Variants in OLFM3 observed in about 807,000 individuals in gnomAD.
OLFM3 encodes the protein olfactomedin 3.
In OLFM3, 20 loss-of-function variants were observed where a neutral mutation model predicts 48.6. The ratio of observed to expected loss-of-function variants is 0.41; its 90% confidence interval spans 0.29 to 0.60. The LOEUF (loss-of-function observed/expected upper bound fraction) is 0.60. Among genes scored for constraint, OLFM3 ranks in the 20% least tolerant of loss-of-function variants. The pLI, the probability that OLFM3 is intolerant of heterozygous loss-of-function variation, is 0.28. For missense variants in OLFM3, 437 were observed against 544.3 expected (o/e 0.80, Z 1.96); for synonymous variants, 222 against 198.1 (o/e 1.12, Z -1.01).
chr1:101,906,578 A>G (rs1002797362), intron 1 of OLFM3, among the ~76,000 whole-genome samples: 13 of 152,178 alleles, frequency 8.5e-5, no homozygotes, highest in African/African-American at 3.1e-4. Context: ...AATTATAAGT[A>G]AGTTCTGTCA....
chr1:101,836,924 A>G lies in OLFM3; in HGVS notation c.171T>C (p.Cys57=). Residue 57 remains cysteine, a synonymous_variant, in exon 2 of 6, where the codon TGT becomes TGC. Transcript: ENST00000370103. ...GTTGCCTGCTTTTGGCATCCCGGGA[A>G]CACAGGTTTTGTTCTGGAGCAACAA... is the stretch of plus-strand genomic sequence containing the variant. ...CTVVAPEQNL[C]SRDAKSRQLR... The G allele has an allele frequency of 6.2e-7, 1 of 1,614,124 alleles. No individual in the cohort carries two copies.
intron 1 of OLFM3, chr1:101,893,739 T>A (rs1222437154): frequency 6.5e-6 from 1 of 154,110 alleles, no homozygotes; most frequent in East Asian, 1.9e-4. Context: ...CAAGCATGTG[T>A]TAAATGAAGG....
intron 1 of OLFM3, among the ~76,000 whole-genome samples, chr1:101,903,245 C>T (rs1319414447): frequency 6.6e-6 from 1 of 151,964 alleles, no homozygotes; most frequent in African/African-American, 2.4e-5. Flanking sequence ...ATTGAAAGCA[C>T]AGGGCATAAG....
chr1:101,904,833 C>T (rs1348842413), intron 1 of OLFM3, among the ~76,000 whole-genome samples: 1 of 152,098 alleles, frequency 6.6e-6, no homozygotes, highest in Non-Finnish European at 1.5e-5. Flanking sequence ...CTCCTCCCAC[C>T]TGTTTACCTC....
chr1:101,834,028 A>G (rs183885222), intron 2 of OLFM3, among the ~76,000 whole-genome samples: 417 of 152,354 alleles, frequency 2.7e-3, no homozygotes, highest in Non-Finnish European at 4.3e-3. Context: ...ATAATTTTTT[A>G]GGTGAGCAAT....
chr1:101,977,916 T>C (rs1258259238), intron 1 of OLFM3, among the ~76,000 whole-genome samples: 3 of 152,178 alleles, frequency 2.0e-5, no homozygotes, highest in Non-Finnish European at 2.9e-5. Flanking sequence ...AATATGTTTA[T>C]ACTTTGTTTC....
chr1:101,885,991 A>G (rs1657741658), intron 1 of OLFM3, among the ~76,000 whole-genome samples: 2 of 152,130 alleles, frequency 1.3e-5, no homozygotes, highest in African/African-American at 2.4e-5. Context: ...TATTAGTGAC[A>G]AAGGAAGAAG....
chr1:101,995,210 A>C (rs1661525174), intron 1 of OLFM3, among the ~76,000 whole-genome samples: 3 of 152,148 alleles, frequency 2.0e-5, no homozygotes, highest in Non-Finnish European at 2.9e-5. Context: ...CTTAGTGATT[A>C]ACTTTGCTTT....
chr1:101,842,782 TC>T lies in OLFM3; in HGVS notation c.70-5758del, dbSNP rs1655792572. 2.0e-5 allele frequency among the ~76,000 whole-genome samples: 3 copies of T among 152,186 alleles called. No homozygotes were observed. In the South Asian group the frequency reaches 6.2e-4, roughly 32 times the overall value. On this transcript the variant is annotated intron_variant, in intron 1 of 5. Coordinates refer to ENST00000370103, the MANE Select transcript of OLFM3 (RefSeq NM_058170.4). ...AAGCAGGGGGCATGAGCCGAACTCC[TC>T]TCTCTGCAGTTTTCCTTCTTTGGCC...
intron 1 of OLFM3, among the ~76,000 whole-genome samples, chr1:101,924,950 C>A (rs1158450990): frequency 6.6e-6 from 1 of 152,092 alleles, no homozygotes; most frequent in Non-Finnish European, 1.5e-5. Context: ...TGTGGATGTG[C>A]ACAGAGTGTT....
intron 1 of OLFM3, among the ~76,000 whole-genome samples, chr1:101,920,672 T>C (rs1465084381): frequency 2.0e-5 from 3 of 152,194 alleles, no homozygotes; most frequent in Admixed American, 2.0e-4. Flanking sequence ...AAATTAAGGA[T>C]TGACAAGTGA....
intron 1 of OLFM3, among the ~76,000 whole-genome samples, chr1:101,992,033 C>T (rs1026046629): frequency 6.6e-6 from 1 of 152,076 alleles, no homozygotes; most frequent in Admixed American, 6.6e-5. Context: ...TTCAGAACAT[C>T]TAGGCTCCTC....
intron 4 of OLFM3, among the ~76,000 whole-genome samples, chr1:101,807,740 G>A (rs983801495): frequency 6.6e-6 from 1 of 151,768 alleles, no homozygotes; most frequent in Non-Finnish European, 1.5e-5. Context: ...GAAATCAAAT[G>A]TGATGGCATC....
chr1:101,838,408 T>C (rs1655542610), intron 1 of OLFM3, among the ~76,000 whole-genome samples: 1 of 152,192 alleles, frequency 6.6e-6, no homozygotes, highest in Non-Finnish European at 1.5e-5. Context: ...AAGTAGACTC[T>C]ATCAAGCACA....
chr1:101,993,977 C>A (rs555332864), intron 1 of OLFM3, among the ~76,000 whole-genome samples: 56 of 150,896 alleles, frequency 3.7e-4, no homozygotes, highest in African/African-American at 1.3e-3. Flanking sequence ...AGACACACAC[C>A]GCATTATAAA....
At chr1:101,858,423 A>G (rs1039981626) in intron 1 of OLFM3, among the ~76,000 whole-genome samples, 8 of 152,070 alleles carry the variant, frequency 5.3e-5, no homozygotes, top group Non-Finnish European at 7.3e-5. Context: ...CTCCCATTCT[A>G]GTGGGATACT....
chr1:101,895,062 A>ATTGGAGTG (rs1658147226), intron 1 of OLFM3, among the ~76,000 whole-genome samples: 1 of 152,108 alleles, frequency 6.6e-6, no homozygotes, highest in Admixed American at 6.5e-5. Flanking sequence ...GCCAGCTGGA[A>ATTGGAGTG]TTGGAGTGAC....
intron 4 of OLFM3, chr1:101,812,994 G>A: frequency 9.2e-7 from 1 of 1,083,938 alleles, no homozygotes; most frequent in South Asian, 2.2e-5. Flanking sequence ...ACCATTTACT[G>A]TGAACTTATT....
chr1:101,953,329 T>C (rs1309176922), intron 1 of OLFM3, among the ~76,000 whole-genome samples: 4 of 152,140 alleles, frequency 2.6e-5, no homozygotes, highest in Admixed American at 2.6e-4. Context: ...TAAAATTTTA[T>C]TGGAATACAG....
Sources: allele counts gnomAD v4.1 joint callset (sites outside exome capture counted in the v4.1 genomes callset), GRCh38; gene constraint gnomAD v4.1.1; transcripts MANE v1.5; gene names NCBI Gene and HGNC (gene_info 2026-07-23, HGNC 2026-07-21).